The following NOX4 variants were observed in gnomAD, a reference collection of about 807,000 sequenced individuals.
NOX4 encodes NADPH oxidase 4.
Under a neutral mutation model 87.6 loss-of-function variants are expected in NOX4, and 69 were observed. That is an observed-to-expected ratio of 0.79 (90% CI 0.65 to 0.96). The LOEUF (loss-of-function observed/expected upper bound fraction) is 0.96, where lower values mean the gene tolerates loss of function less well. Ranked by LOEUF, NOX4 falls within the 40% of genes least tolerant of loss-of-function variation. The pLI, the probability that NOX4 is intolerant of heterozygous loss-of-function variation, is 0.00. For missense variants in NOX4, 680 were observed against 681.5 expected, an observed-to-expected ratio of 1.00 and a Z score of 0.02; for synonymous variants, 275 against 238.2, an observed-to-expected ratio of 1.15 and a Z score of -1.42.
chr11:89,524,836 T>C, the NOX4 span, among the ~76,000 whole-genome samples: 2 of 152,094 alleles, frequency 1.3e-5, no homozygotes, highest in African/African-American at 4.8e-5. Context: ...CCACACAACA[T>C]TTCCCTGTGC....
intron 5 of NOX4, among the ~76,000 whole-genome samples, 159 bp from the exon 6 acceptor site, chr11:89,440,874 T>C (rs1944426108): frequency 6.6e-6 from 1 of 152,152 alleles, no homozygotes; most frequent in Non-Finnish European, 1.5e-5. Flanking sequence ...CATAACATTT[T>C]CACAATGCTA....
At chr11:89,418,768 GC>G (rs1163750994) in intron 8 of NOX4, among the ~76,000 whole-genome samples, 1 of 151,862 alleles carries the variant, frequency 6.6e-6, no homozygotes, top group Admixed American at 6.6e-5. Context: ...TCAAAATTAG[GC>G]ATTGACTTAG....
intron 17 of NOX4, among the ~76,000 whole-genome samples, chr11:89,328,554 A>C (rs1283569327): frequency 6.6e-6 from 1 of 152,146 alleles, no homozygotes; most frequent in Non-Finnish European, 1.5e-5. Flanking sequence ...AAAATAAATA[A>C]ATCAAAATTT....
intron 2 of NOX4, among the ~76,000 whole-genome samples, chr11:89,472,653 G>A (rs1479011942): frequency 1.3e-5 from 2 of 152,176 alleles, no homozygotes; most frequent in East Asian, 3.9e-4. Flanking sequence ...AGAGAGAGAA[G>A]AAAGCAGTAT....
chr11:89,501,350 C>T (rs1485554734), upstream of NOX4, among the ~76,000 whole-genome samples: 1 of 151,910 alleles, frequency 6.6e-6, no homozygotes, highest in Non-Finnish European at 1.5e-5. Context: ...TTAGATTGTC[C>T]CTCAGAGTCA....
At position 89,386,156 on chromosome 11, in the gene NOX4, C is replaced by T. The variant is rs1940686754; in HGVS notation, c.1075-12664G>A. 2.6e-5 allele frequency among the ~76,000 whole-genome samples: 4 copies of T among 152,204 alleles called. No individual in the cohort carries two copies. In the South Asian group the frequency reaches 6.2e-4, roughly 24 times the overall value. ...ATTCTGGCCTGTCCTCAGGATGCTA[C>T]AGGGTATAGCCTATTTGAGCTCCTG... On this transcript the variant is annotated intron_variant, in intron 11 of 17. Coordinates refer to ENST00000263317, the MANE Select transcript of NOX4 (RefSeq NM_016931.5).
chr11:89,542,049 A>G, the NOX4 span, among the ~76,000 whole-genome samples: 2 of 152,034 alleles, frequency 1.3e-5, no homozygotes, highest in African/African-American at 4.8e-5. Flanking sequence ...GGATGCATGC[A>G]ATCCTCCTGC....
the NOX4 span, among the ~76,000 whole-genome samples, chr11:89,518,474 A>T: frequency 6.6e-6 from 1 of 152,094 alleles, no homozygotes; most frequent in South Asian, 2.1e-4. Context: ...TAATATGATT[A>T]TTTAGGGATT....
chr11:89,420,261 A>G (rs1943012797), intron 8 of NOX4, among the ~76,000 whole-genome samples: 1 of 152,176 alleles, frequency 6.6e-6, no homozygotes, highest in South Asian at 2.1e-4. Context: ...AATAACATAA[A>G]GTATGTGAAG....
chr11:89,523,596 T>A, the NOX4 span, among the ~76,000 whole-genome samples: 1 of 152,212 alleles, frequency 6.6e-6, no homozygotes, highest in African/African-American at 2.4e-5. Context: ...TTAAAAGAGA[T>A]TCTTATCACA....
intron 11 of NOX4, among the ~76,000 whole-genome samples, chr11:89,384,205 A>G (rs1466069288): frequency 1.3e-5 from 2 of 151,356 alleles, no homozygotes; most frequent in East Asian, 3.9e-4. Context: ...TCCCTCCACA[A>G]CCCCTCTACA....
chr11:89,530,509 C>CTTTTTT, the NOX4 span, among the ~76,000 whole-genome samples: 3 of 135,446 alleles, frequency 2.2e-5, no homozygotes, highest in Non-Finnish European at 1.6e-5. Flanking sequence ...CATCTGTCTA[C>CTTTTTT]TTTTTTTTTT....
At chr11:89,354,407 G>T (rs1267167645) in intron 13 of NOX4, among the ~76,000 whole-genome samples, 4 of 152,084 alleles carry the variant, frequency 2.6e-5, no homozygotes, top group East Asian at 1.9e-4. Context: ...AAGGACATAC[G>T]CTTGGGGCAT....
At chr11:89,391,951 CTCCTTCCT>C (rs149624652) in intron 11 of NOX4, among the ~76,000 whole-genome samples, 1 of 147,098 alleles carries the variant, frequency 6.8e-6, no homozygotes, top group Non-Finnish European at 1.5e-5. Context: ...CCTTCCCCTT[CTCCTTCCT>C]TCCTTCCTTC....
the NOX4 span, among the ~76,000 whole-genome samples, chr11:89,570,414 T>C: frequency 6.6e-6 from 1 of 152,174 alleles, no homozygotes; most frequent in Admixed American, 6.5e-5. Context: ...ATTACCTGGG[T>C]GATGAAATAA....
intron 2 of NOX4, among the ~76,000 whole-genome samples, chr11:89,489,727 CA>C (rs35606793): frequency 0.012 from 1,470 of 118,474 alleles, 10 homozygotes; most frequent in Admixed American, 0.024. Flanking sequence ...GACTCTGTCT[CA>C]AAAAAAAAAA....
At chr11:89,396,210 G>A (rs1941471471) in intron 11 of NOX4, among the ~76,000 whole-genome samples, 1 of 152,154 alleles carries the variant, frequency 6.6e-6, no homozygotes, top group Non-Finnish European at 1.5e-5. Context: ...TCCTTGAAGA[G>A]GTCCTTCAGA....
intron 12 of NOX4, among the ~76,000 whole-genome samples, chr11:89,359,831 A>G (rs930784460): frequency 7.9e-5 from 12 of 152,062 alleles, no homozygotes; most frequent in Non-Finnish European, 1.0e-4. Flanking sequence ...GTCATATAAA[A>G]TATTTCTAAG....
chr11:89,426,888 A>G (rs758800395), intron 7 of NOX4, among the ~76,000 whole-genome samples: 10 of 152,156 alleles, frequency 6.6e-5, no homozygotes, highest in Non-Finnish European at 1.5e-5. Context: ...TTCTCCCAGC[A>G]TGGAATTTGA....
Sources: gnomAD v4.1 joint callset for allele counts (sites outside exome capture counted in the v4.1 genomes callset) on GRCh38, gnomAD v4.1.1 for gene constraint, MANE v1.5 for transcripts, NCBI Gene and HGNC (gene_info 2026-07-23, HGNC 2026-07-21) for gene names.